GRTP1: variants seen among roughly 807,000 people sequenced by gnomAD.
GRTP1 encodes growth hormone regulated TBC protein 1, also known as growth hormone-regulated TBC protein 1.
In GRTP1, 56 loss-of-function variants were observed where a neutral mutation model predicts 38.1. The observed-to-expected ratio is 1.47, with a 90% confidence interval of 1.19 to 1.84. The LOEUF is 1.84. GRTP1 is among the 40% of genes most tolerant of loss of function. The probability of loss-of-function intolerance (pLI) is 0.00; values close to 1 mark genes in which losing one functional copy is unlikely to be tolerated. For missense variants in GRTP1, 506 were observed against 453.9 expected, an observed-to-expected ratio of 1.11 and a Z score of -1.04; for synonymous variants, 217 against 189.5, an observed-to-expected ratio of 1.14 and a Z score of -1.19.
chr13:113,326,063 C>T lies in GRTP1; in HGVS notation c.591G>A (p.Leu197=), dbSNP rs758812948. 15 of 1,611,650 alleles carry T rather than the reference C, an allele frequency of 9.3e-6. No homozygotes were observed. The highest frequency in any genetic ancestry group is 1.3e-5 in the African/African-American group (1 of 75,020). Reference sequence around the variant, plus strand: ...CCCCGAGGACCTCCTGGTCGGTCTTCAGGCCCAGCATGGCCGGGCTGTAGT... The same window carrying T: ...CCCCGAGGACCTCCTGGTCGGTCTTTAGGCCCAGCATGGCCGGGCTGTAGT... ...PDYYSPAMLG[L]KTDQEVLGEL... The change falls in exon 6 of 8, where the codon CTG becomes CTA. Residue 197 remains leucine (L), a synonymous_variant. Transcript: ENST00000375431.
rs537636965 is a variant in GRTP1, at chr13:113,332,448, G to A, written c.563-6357C>T. On this transcript the variant is annotated intron_variant, in intron 5 of 7. Coordinates refer to ENST00000375431, the MANE Select transcript of GRTP1 (RefSeq NM_024719.4). ...ACCACACAGGCACACACGTGCACAC[G>A]CACACCTGCCTCCATCCCCTGGACT... is the stretch of plus-strand genomic sequence containing the variant. 2.1e-3 allele frequency among the ~76,000 whole-genome samples: 267 copies of A among 127,564 alleles called. 1 individual carries two copies. Among genetic ancestry groups the A allele is most frequent in the African/African-American group, 7.6e-3 (253 of 33,220 alleles). The allele number at this position is 127,564 out of a possible 152,430, so 83.7% of individuals were successfully genotyped here.
intron 5 of GRTP1, among the ~76,000 whole-genome samples, chr13:113,330,370 ACCCAGGTGTGTGCATGGAAG>A: frequency 9.1e-6 from 1 of 110,120 alleles, no homozygotes; most frequent in East Asian, 2.9e-4. Context: ...GTGGAAGGAA[ACCCAGGTGTGTGCATGGAAG>A]CCCAGGTGTG....
chr13:113,330,005 A>T (rs943427477), intron 5 of GRTP1, among the ~76,000 whole-genome samples: 2 of 150,994 alleles, frequency 1.3e-5, no homozygotes, highest in African/African-American at 4.9e-5. Context: ...GGGTGCGTGC[A>T]TGGGAGCCCA....
chr13:113,363,707 G>A, intron 2 of GRTP1, 55 bp downstream of exon 2: 6 of 1,433,956 alleles, frequency 4.2e-6, no homozygotes, highest in South Asian at 1.2e-5. Context: ...TGCCCGGCCC[G>A]TCCCAGCCCA....
At position 113,344,976 on chromosome 13, in the gene GRTP1, G is replaced by T. The variant is rs2043079573; in HGVS notation, c.466-17C>A. 1 of 1,587,332 alleles carries T rather than the reference G, an allele frequency of 6.3e-7. No individual in the cohort carries two copies. On this transcript the variant is annotated splice_polypyrimidine_tract_variant and intron_variant, in intron 4 of 7. Coordinates refer to ENST00000375431, the MANE Select transcript of GRTP1 (RefSeq NM_024719.4). ...ATTCATTCCCTGAAATTAGAAAAAT[G>T]AGAAACAAATTCACATTGAGTTTTA...
At position 113,324,350 on chromosome 13, in the gene GRTP1, T is replaced by A. The variant is rs1566407916; in HGVS notation, c.*138A>T. The A allele has an allele frequency of 1.6e-6, 2 of 1,281,094 alleles. No individual in the cohort carries two copies. Among genetic ancestry groups the A allele is most frequent in the African/African-American group, 1.5e-5 (1 of 65,020 alleles). The allele number at this position is 1,281,094 out of a possible 1,614,324, so 79.4% of individuals were successfully genotyped here. On this transcript the variant is annotated 3_prime_UTR_variant, in exon 8 of 8. Transcript: ENST00000375431. Reference sequence around the variant, plus strand: ...ATGACCTGATTTTAAACTGCTCTTTTAAAAAATTCACAACTAAAGTGTAGT... The same window carrying A: ...ATGACCTGATTTTAAACTGCTCTTTAAAAAAATTCACAACTAAAGTGTAGT...
intron 5 of GRTP1, among the ~76,000 whole-genome samples, chr13:113,329,031 G>A (rs1041972216): frequency 5.9e-5 from 9 of 152,240 alleles, no homozygotes; most frequent in Non-Finnish European, 8.8e-5. Context: ...TGGTGAATGC[G>A]CCCAGGCGCC....
intron 5 of GRTP1, 86 bp downstream of exon 5, chr13:113,344,777 A>T: frequency 1.1e-6 from 1 of 920,744 alleles, no homozygotes; most frequent in Non-Finnish European, 1.6e-6. Flanking sequence ...ACCATGTTTT[A>T]ATTAAATTTT....
chr13:113,330,431 C>G, intron 5 of GRTP1, among the ~76,000 whole-genome samples: 1 of 130,752 alleles, frequency 7.6e-6, no homozygotes, highest in Non-Finnish European at 1.6e-5. Flanking sequence ...TGCATGGGAG[C>G]CCGGGTGTGT....
At chr13:113,331,384 G>T (rs1018206106) in intron 5 of GRTP1, among the ~76,000 whole-genome samples, 1 of 152,274 alleles carries the variant, frequency 6.6e-6, no homozygotes, top group South Asian at 2.1e-4. Flanking sequence ...CAGCTGCGGG[G>T]CTGGGATACC....
At chr13:113,338,793 G>A (rs2042989267) in intron 5 of GRTP1, among the ~76,000 whole-genome samples, 1 of 152,126 alleles carries the variant, frequency 6.6e-6, no homozygotes, top group Admixed American at 6.5e-5. Context: ...GCTCACCAGG[G>A]AGCTCAGCCA....
At chr13:113,357,787 G>A (rs2043422849) in intron 2 of GRTP1, among the ~76,000 whole-genome samples, 1 of 152,116 alleles carries the variant, frequency 6.6e-6, no homozygotes. Context: ...GCACAGGCAA[G>A]GACTGTTCTA....
At position 113,355,400 on chromosome 13, in the gene GRTP1, A is replaced by G. The variant is rs1464610011; in HGVS notation, c.263T>C (p.Met88Thr). 6.2e-7 allele frequency: 1 copy of G among 1,613,974 alleles called. No homozygotes were observed. Among genetic ancestry groups the G allele is most frequent in the Non-Finnish European group, 8.5e-7 (1 of 1,180,006 alleles). Reference protein sequence around the residue: ...WMVLSGAQAQMDQNPGYYHQL... With the variant: ...WMVLSGAQAQTDQNPGYYHQL... Reference sequence around the variant, plus strand: ...GTGGTAGTAGCCGGGATTCTGGTCCATCTGCGCCTGGGCCCCACTCAGCAC... The same window carrying G: ...GTGGTAGTAGCCGGGATTCTGGTCCGTCTGCGCCTGGGCCCCACTCAGCAC... Residue 88 changes from methionine to threonine, a missense_variant, in exon 3 of 8, where the codon ATG becomes ACG. Physicochemically the swap from Met to Thr is moderately conservative, Grantham distance 81 (BLOSUM62 -1). Transcript: ENST00000375431.
intron 5 of GRTP1, among the ~76,000 whole-genome samples, chr13:113,326,887 G>A (rs753449209): frequency 6.6e-6 from 1 of 152,202 alleles, no homozygotes; most frequent in Non-Finnish European, 1.5e-5. Flanking sequence ...AGCAGCGGGA[G>A]GGAGGGAGTG....
chr13:113,341,396 A>G (rs1358290864), intron 5 of GRTP1, among the ~76,000 whole-genome samples: 1 of 152,118 alleles, frequency 6.6e-6, no homozygotes, highest in Non-Finnish European at 1.5e-5. Context: ...CCTCCCAAGT[A>G]GCTGGGACTA....
chr13:113,351,370 G>A (rs150932323), intron 3 of GRTP1, among the ~76,000 whole-genome samples: 35 of 152,348 alleles, frequency 2.3e-4, no homozygotes, highest in African/African-American at 7.9e-4. Flanking sequence ...GGAGAGAAAT[G>A]CACACAAAAC....
chr13:113,338,135 C>T (rs1318216689), intron 5 of GRTP1, among the ~76,000 whole-genome samples: 1 of 152,224 alleles, frequency 6.6e-6, no homozygotes, highest in Non-Finnish European at 1.5e-5. Flanking sequence ...CCCGGTCAAC[C>T]TCCTCCTCTG....
In GRTP1 at chr13:113,325,771, T is replaced by C; in HGVS notation, c.811A>G (p.Lys271Glu). 1 of 1,613,964 alleles carries C rather than the reference T, an allele frequency of 6.2e-7. No homozygotes were observed. Among genetic ancestry groups the C allele is most frequent in the South Asian group, 1.1e-5 (1 of 91,080 alleles). ...TCCAAAATCAACTCCTGGTGCTGCT[T>C]AATTAAGGTCAGGGCCACCCGGAAG... Reference protein sequence around the residue: ...IIFRVALTLIKQHQELILEAT... With the variant: ...IIFRVALTLIEQHQELILEAT... Residue 271 changes from lysine (K) to glutamate (E), a missense_variant, in exon 7 of 8, where the codon AAG becomes GAG. Coordinates refer to ENST00000375431, the MANE Select transcript of GRTP1 (RefSeq NM_024719.4).
At chr13:113,333,483 C>G (rs1202644000) in intron 5 of GRTP1, among the ~76,000 whole-genome samples, 1 of 152,100 alleles carries the variant, frequency 6.6e-6, no homozygotes, top group East Asian at 1.9e-4. Flanking sequence ...CTCTTCAGTG[C>G]CTGTGCTTTT....
Sources: gnomAD v4.1 joint callset for allele counts (sites outside exome capture counted in the v4.1 genomes callset) on GRCh38, gnomAD v4.1.1 for gene constraint, MANE v1.5 for transcripts, NCBI Gene and HGNC (gene_info 2026-07-23, HGNC 2026-07-21) for gene names.